Variants in TMEM132C observed in about 807,000 individuals in gnomAD.
The protein encoded by TMEM132C is protein phosphatase 1, regulatory subunit 152.
In TMEM132C, 29 loss-of-function variants were observed where a neutral mutation model predicts 61.4. The observed-to-expected ratio is 0.47, with a 90% CI of 0.35 to 0.64. TMEM132C has a LOEUF of 0.64. Among genes scored for constraint, TMEM132C ranks in the 30% least tolerant of loss-of-function variants. The pLI, the probability that TMEM132C is intolerant of heterozygous loss-of-function variation, is 0.00. For synonymous variants in TMEM132C, 656 were observed against 633.1 expected (o/e 1.04, Z -0.54); for missense variants, 1,408 against 1,476.9 (o/e 0.95, Z 0.76).
At chr12:128,548,547 C>G (rs1211459728) in intron 3 of TMEM132C, among the ~76,000 whole-genome samples, 1 of 152,178 alleles carries the variant, frequency 6.6e-6, no homozygotes, top group Non-Finnish European at 1.5e-5. Context: ...CTTGGATCAT[C>G]TCTCCGTCTC....
chr12:128,336,609 A>G (rs545678673), intron 1 of TMEM132C, among the ~76,000 whole-genome samples: 1 of 152,222 alleles, frequency 6.6e-6, no homozygotes, highest in Non-Finnish European at 1.5e-5. Context: ...GTCTACTGCT[A>G]CTATGCACAG....
intron 3 of TMEM132C, among the ~76,000 whole-genome samples, chr12:128,608,245 T>G (rs1281234200): frequency 6.6e-6 from 1 of 152,208 alleles, no homozygotes; most frequent in Non-Finnish European, 1.5e-5. Flanking sequence ...CATTTATCCT[T>G]GCAACAAACA....
At chr12:128,502,008 A>G (rs541070901) in intron 2 of TMEM132C, among the ~76,000 whole-genome samples, 1 of 152,332 alleles carries the variant, frequency 6.6e-6, no homozygotes, top group African/African-American at 2.4e-5. Flanking sequence ...TCTGTGTGCA[A>G]GGTGATGATG....
chr12:128,352,794 A>T lies in TMEM132C; in HGVS notation c.86-61938A>T, dbSNP rs1873382233. ...TGATTGTTCAAGGAGTTTGCCTCAT[A>T]GCACCCTATGCAGGATCCCTCAGGA... On this transcript the variant is annotated intron_variant, in intron 1 of 8. Coordinates refer to ENST00000435159, the MANE Select transcript of TMEM132C (RefSeq NM_001136103.3). 2.0e-5 allele frequency among the ~76,000 whole-genome samples: 3 copies of T among 152,362 alleles called. No homozygotes were observed. In the South Asian group the frequency reaches 6.2e-4, roughly 32 times the overall value.
intron 2 of TMEM132C, among the ~76,000 whole-genome samples, chr12:128,516,964 G>A (rs572720188): frequency 1.3e-5 from 2 of 151,712 alleles, no homozygotes; most frequent in South Asian, 4.2e-4. Context: ...GCTCACGCCT[G>A]TAATACCAAC....
rs79504128 is a variant in TMEM132C, at chr12:128,430,585, T to C, written c.974+14965T>C. ...TTACTGCATTTCACAGATAATGTGTTGTTTAAAAGCTGAAGGTTTGTGGTA... is the reference window on the plus strand; with the variant it reads ...TTACTGCATTTCACAGATAATGTGTCGTTTAAAAGCTGAAGGTTTGTGGTA... On this transcript the variant is annotated intron_variant, in intron 2 of 8. Transcript: ENST00000435159. Among the ~76,000 whole-genome samples, 48 of 152,340 alleles carry C rather than the reference T, an allele frequency of 3.2e-4. No homozygotes were observed. In the East Asian group the frequency reaches 7.5e-3, roughly 24 times the overall value.
At chr12:128,398,371 G>A (rs1488239798) in intron 1 of TMEM132C, among the ~76,000 whole-genome samples, 1 of 152,200 alleles carries the variant, frequency 6.6e-6, no homozygotes, top group Non-Finnish European at 1.5e-5. Context: ...GGGAAAAATG[G>A]AGCTGGAGTG....
rs369619722 is a variant in TMEM132C at position 128,321,138 on chromosome 12, A to AAAAAAAAAT, written c.85+53653_85+53654insAAAAAATAA. ...CCCTGTCCAGGCTGCCATTTTTGAA[A>AAAAAAAAAT]AATAATAATAATAATAATAATAATA... is the stretch of plus-strand genomic sequence containing the variant. On this transcript the variant is annotated intron_variant, in intron 1 of 8. Transcript: ENST00000435159. Among the ~76,000 whole-genome samples the AAAAAAAAAT allele has an allele frequency of 1.1e-3, 155 of 143,762 alleles. 1 individual carries two copies. Among genetic ancestry groups the AAAAAAAAAT allele is most frequent in the Admixed American group, 4.3e-3 (62 of 14,256 alleles). 94.3% of individuals were successfully genotyped at this position (143,762 alleles called of 152,430 possible).
chr12:128,562,415 GT>G lies in TMEM132C; in HGVS notation c.1121+18320del, dbSNP rs1023870407. On this transcript the variant is annotated intron_variant, in intron 3 of 8. Transcript: ENST00000435159. ...ATGCCTTTCCTGGGTAACCTAATAA[GT>G]TTTTTTTCTTTCTGTTTTCAGCATC... Among the ~76,000 whole-genome samples the G allele has an allele frequency of 2.6e-5, 4 of 151,986 alleles. No individual in the cohort carries two copies. In the East Asian group the frequency reaches 5.8e-4, roughly 22 times the overall value.
intron 2 of TMEM132C, among the ~76,000 whole-genome samples, chr12:128,428,350 G>A (rs930387678): frequency 3.9e-5 from 6 of 152,110 alleles, no homozygotes; most frequent in African/African-American, 1.4e-4. Flanking sequence ...CGCCCACATT[G>A]TTCTCCTTCT....
At chr12:128,526,794 G>A (rs1283805875) in intron 2 of TMEM132C, among the ~76,000 whole-genome samples, 3 of 152,122 alleles carry the variant, frequency 2.0e-5, no homozygotes, top group Non-Finnish European at 4.4e-5. Context: ...TCTGGAGGAG[G>A]GAACAGTGAG....
intron 1 of TMEM132C, among the ~76,000 whole-genome samples, chr12:128,324,909 T>A (rs1872456233): frequency 6.6e-6 from 1 of 152,230 alleles, no homozygotes. Context: ...GTGATTATGT[T>A]CTACATTCAA....
chr12:128,296,972 AC>A (rs1442880616), intron 1 of TMEM132C, among the ~76,000 whole-genome samples: 1 of 152,108 alleles, frequency 6.6e-6, no homozygotes, highest in African/African-American at 2.4e-5. Context: ...ACCAAAACAC[AC>A]CCCGTGATCT....
intron 2 of TMEM132C, among the ~76,000 whole-genome samples, chr12:128,463,972 T>G (rs1870633122): frequency 6.6e-6 from 1 of 152,046 alleles, no homozygotes; most frequent in Non-Finnish European, 1.5e-5. Context: ...CCACCAACAC[T>G]CTGGCATTTA....
rs1240193409 is a variant in TMEM132C, at chr12:128,604,712, GATAA to G, written c.1122-11435_1122-11432del. On this transcript the variant is annotated intron_variant, in intron 3 of 8. Coordinates refer to ENST00000435159, the MANE Select transcript of TMEM132C (RefSeq NM_001136103.3). ...TAGATAGATAATAGATGGCTAGATA[GATAA>G]ATAATAGATGGAAGATAGATAATGG... Among the ~76,000 whole-genome samples, 9 of 151,856 alleles carry G rather than the reference GATAA, an allele frequency of 5.9e-5. No individual in the cohort carries two copies. The East Asian group carries it at 9.7e-4, about 16-fold the overall frequency.
intron 2 of TMEM132C, among the ~76,000 whole-genome samples, chr12:128,458,717 A>G (rs1870432606): frequency 6.6e-6 from 1 of 152,180 alleles, no homozygotes; most frequent in Non-Finnish European, 1.5e-5. Flanking sequence ...TCCATGGTGT[A>G]CATATTCCCA....
chr12:128,660,269 G>T (rs1162469572), intron 4 of TMEM132C, among the ~76,000 whole-genome samples: 1 of 152,170 alleles, frequency 6.6e-6, no homozygotes, highest in Non-Finnish European at 1.5e-5. Flanking sequence ...GTCCAGGTGG[G>T]CTGAGGAACC....
intron 1 of TMEM132C, among the ~76,000 whole-genome samples, chr12:128,329,224 G>A (rs1182215674): frequency 3.3e-5 from 5 of 152,018 alleles, no homozygotes; most frequent in Admixed American, 1.3e-4. Context: ...TTGAACCTTC[G>A]GATTATTTCG....
intron 2 of TMEM132C, among the ~76,000 whole-genome samples, chr12:128,520,234 G>A (rs925588899): frequency 2.6e-5 from 4 of 152,182 alleles, no homozygotes; most frequent in Non-Finnish European, 4.4e-5. Context: ...AGCAGTCCAC[G>A]TATCACCCCT....
Sources: gnomAD v4.1 joint callset for allele counts (sites outside exome capture counted in the v4.1 genomes callset) on GRCh38, gnomAD v4.1.1 for gene constraint, MANE v1.5 for transcripts, NCBI Gene and HGNC (gene_info 2026-07-23, HGNC 2026-07-21) for gene names.